Variants in WWOX observed in about 807,000 individuals in gnomAD.
WWOX encodes WW domain containing oxidoreductase, also known as WW domain-containing oxidoreductase.
WWOX carries 69 observed loss-of-function variants against 46.2 expected under a neutral mutation model. That is an observed-to-expected ratio of 1.49 (90% confidence interval 1.23 to 1.82). The LOEUF (loss-of-function observed/expected upper bound fraction) is 1.82. Among genes scored for constraint, WWOX ranks in the 40% most tolerant of loss-of-function variants. The probability of loss-of-function intolerance (pLI) is 0.00; values close to 1 mark genes in which losing one functional copy is unlikely to be tolerated. For synonymous variants in WWOX, 359 were observed against 202.6 expected (o/e 1.77, Z -6.56); for missense variants, 919 against 542.6 (o/e 1.69, Z -6.89).
At chr16:78,786,148 G>A (rs1304754224) in intron 8 of WWOX, among the ~76,000 whole-genome samples, 1 of 152,174 alleles carries the variant, frequency 6.6e-6, no homozygotes, top group African/African-American at 2.4e-5. Flanking sequence ...GCCCTCCGGT[G>A]ATCTGCCTGT....
chr16:78,184,412 CT>C (rs1327907870), intron 5 of WWOX, among the ~76,000 whole-genome samples: 2 of 151,988 alleles, frequency 1.3e-5, no homozygotes, highest in Non-Finnish European at 2.9e-5. Context: ...GCCAGGACCC[CT>C]GTGTAGAAAT....
intron 8 of WWOX, among the ~76,000 whole-genome samples, chr16:78,624,479 A>G (rs932288358): frequency 6.6e-6 from 1 of 152,204 alleles, no homozygotes; most frequent in African/African-American, 2.4e-5. Flanking sequence ...TTGCAATAAG[A>G]AAACCATTCA....
Position 78,547,127 on chromosome 16 carries a change from GAA to G in WWOX, c.1056+114406_1056+114407del, listed in dbSNP as rs199726097. 6.1e-3 allele frequency among the ~76,000 whole-genome samples: 529 copies of G among 87,266 alleles called. 2 individuals carry two copies. Among genetic ancestry groups the G allele is most frequent in the Non-Finnish European group, 7.7e-3 (381 of 49,638 alleles). 57.2% of individuals were successfully genotyped at this position (87,266 alleles called of 152,430 possible). Reference sequence around the variant, plus strand: ...TGGGAGAGTGTGAGACCTTGTCTCAGAAAAAAAAAAAAAAAAAAAAAAAAAAA... The same window carrying G: ...TGGGAGAGTGTGAGACCTTGTCTCAGAAAAAAAAAAAAAAAAAAAAAAAAA... On this transcript the variant is annotated intron_variant, in intron 8 of 8. Transcript: ENST00000566780.
chr16:79,047,672 ATTTTTTTT>A (rs71140858), intron 8 of WWOX, among the ~76,000 whole-genome samples: 5 of 53,522 alleles, frequency 9.3e-5, no homozygotes, highest in African/African-American at 1.5e-4. Context: ...GACTGTCCTG[ATTTTTTTT>A]TTTTTTTTTT....
chr16:78,592,164 AAAG>A (rs2045367703), intron 8 of WWOX, among the ~76,000 whole-genome samples: 2 of 152,206 alleles, frequency 1.3e-5, no homozygotes, highest in African/African-American at 2.4e-5. Flanking sequence ...ATGGTACAAA[AAAG>A]GTCTGCTAGG....
chr16:78,653,708 A>G (rs2047017143), intron 8 of WWOX, among the ~76,000 whole-genome samples: 2 of 152,348 alleles, frequency 1.3e-5, no homozygotes, highest in South Asian at 2.1e-4. Context: ...TTTTAGAGCC[A>G]CTGATTCAGC....
intron 5 of WWOX, among the ~76,000 whole-genome samples, chr16:78,172,415 C>T (rs1046183095): frequency 6.6e-6 from 1 of 152,182 alleles, no homozygotes; most frequent in African/African-American, 2.4e-5. Context: ...TCATCCCCCT[C>T]ATAGACATAA....
chr16:79,128,563 T>C (rs1389906306), intron 8 of WWOX, among the ~76,000 whole-genome samples: 1 of 152,184 alleles, frequency 6.6e-6, no homozygotes, highest in East Asian at 1.9e-4. Context: ...AGGTTAACTT[T>C]AAATCCTGAG....
At chr16:78,226,708 A>G (rs1382156662) in intron 5 of WWOX, among the ~76,000 whole-genome samples, 2 of 151,908 alleles carry the variant, frequency 1.3e-5, no homozygotes, top group East Asian at 1.9e-4. Context: ...GTCACACTGG[A>G]TAGGTAATAG....
chr16:78,789,388 C>G (rs917955725), intron 8 of WWOX, among the ~76,000 whole-genome samples: 3 of 152,112 alleles, frequency 2.0e-5, no homozygotes, highest in African/African-American at 7.2e-5. Flanking sequence ...GTCCCAGAAG[C>G]ATTGATTAAA....
intron 8 of WWOX, among the ~76,000 whole-genome samples, chr16:79,072,415 C>G (rs2048568749): frequency 6.6e-6 from 1 of 152,188 alleles, no homozygotes; most frequent in South Asian, 2.1e-4. Context: ...GACAGAATTT[C>G]ATGAGTGTTC....
intron 8 of WWOX, among the ~76,000 whole-genome samples, chr16:79,115,662 T>G (rs1432228058): frequency 6.6e-6 from 1 of 152,326 alleles, no homozygotes; most frequent in East Asian, 1.9e-4. Context: ...GAGCTGGTGA[T>G]GAGCTGCAGG....
intron 8 of WWOX, among the ~76,000 whole-genome samples, chr16:79,201,513 A>C (rs572321695): frequency 4.6e-5 from 7 of 152,090 alleles, no homozygotes; most frequent in Non-Finnish European, 8.8e-5. Context: ...TGTGCCATCA[A>C]ATTAAGTTTG....
At chr16:78,349,505 A>T (rs2151905163) in intron 5 of WWOX, among the ~76,000 whole-genome samples, 1 of 120,628 alleles carries the variant, frequency 8.3e-6, no homozygotes, top group African/African-American at 2.8e-5. Context: ...CCCACCCTTT[A>T]GAAGAAGCCA....
chr16:78,767,446 T>C (rs1428235556), intron 8 of WWOX, among the ~76,000 whole-genome samples: 2 of 151,002 alleles, frequency 1.3e-5, no homozygotes, highest in African/African-American at 2.4e-5. Flanking sequence ...TTCTTTGTTA[T>C]GGCTGAATAA....
At chr16:78,933,814 C>A (rs946480484) in intron 8 of WWOX, among the ~76,000 whole-genome samples, 2 of 152,130 alleles carry the variant, frequency 1.3e-5, no homozygotes, top group Non-Finnish European at 1.5e-5. Context: ...CCACCAGCTT[C>A]CTCCCACGAC....
intron 8 of WWOX, among the ~76,000 whole-genome samples, chr16:78,758,091 A>T (rs1032036027): frequency 6.6e-6 from 1 of 152,186 alleles, no homozygotes. Flanking sequence ...GATCTAATTA[A>T]TGTTGAAATT....
intron 1 of WWOX, 154 bp downstream of exon 1, chr16:78,100,039 C>G: frequency 7.0e-7 from 1 of 1,435,310 alleles, no homozygotes; most frequent in Non-Finnish European, 9.1e-7. Flanking sequence ...GTCCAGGGTT[C>G]CCAGTAGGGG....
At chr16:78,409,172 G>C (rs1638709813) in intron 6 of WWOX, among the ~76,000 whole-genome samples, 1 of 152,148 alleles carries the variant, frequency 6.6e-6, no homozygotes, top group Non-Finnish European at 1.5e-5. Flanking sequence ...AGTGCTTTTA[G>C]AAATACAGAA....
Sources: gnomAD v4.1 joint callset for allele counts (sites outside exome capture counted in the v4.1 genomes callset) on GRCh38, gnomAD v4.1.1 for gene constraint, MANE v1.5 for transcripts, NCBI Gene and HGNC (gene_info 2026-07-23, HGNC 2026-07-21) for gene names.